ABCA5: variants seen among roughly 807,000 people sequenced by gnomAD.
ABCA5 encodes ATP binding cassette subfamily A member 5.
ABCA5 carries 163 observed loss-of-function variants against 206.0 expected under a neutral mutation model. The observed-to-expected ratio is 0.79, with a 90% CI of 0.70 to 0.90. The LOEUF (loss-of-function observed/expected upper bound fraction) is 0.90, where lower values mean the gene tolerates loss of function less well. Among genes scored for constraint, ABCA5 ranks in the 40% least tolerant of loss-of-function variants. The pLI, the probability that ABCA5 is intolerant of heterozygous loss-of-function variation, is 0.00. For synonymous variants in ABCA5, 609 were observed against 613.8 expected (o/e 0.99, Z 0.11); for missense variants, 1,859 against 1,912.9 (o/e 0.97, Z 0.53).
At chr17:69,305,369 G>C (rs1166896487) in intron 6 of ABCA5, among the ~76,000 whole-genome samples, 1 of 152,152 alleles carries the variant, frequency 6.6e-6, no homozygotes, top group Non-Finnish European at 1.5e-5. Context: ...GCAGTATTAA[G>C]TTTTATTTTA....
rs954714147 is a variant in ABCA5 at position 69,244,890 on chromosome 17, C to T, written c.*2647G>A. 2.0e-5 allele frequency: 3 copies of T among 149,212 alleles called. No individual in the cohort carries two copies. Among genetic ancestry groups the T allele is most frequent in the Admixed American group, 1.3e-4 (2 of 14,910 alleles). 9.2% of individuals were successfully genotyped at this position (149,212 alleles called of 1,614,324 possible). A position where few individuals can be genotyped will look rare whatever the true frequency, so the allele number is the denominator to read the frequency against. On this transcript the variant is annotated 3_prime_UTR_variant, in exon 39 of 39. Coordinates refer to ENST00000392676, the MANE Select transcript of ABCA5 (RefSeq NM_172232.4). ...TATAGTTAGTTATATAAAATAATAG[C>T]TAGTTATATAAGTTATATAAGTAAT...
chr17:69,299,564 A>G lies in ABCA5; in HGVS notation c.1267+1575T>C, dbSNP rs867900390. Among the ~76,000 whole-genome samples the G allele has an allele frequency of 2.6e-5, 4 of 152,174 alleles. No homozygotes were observed. The South Asian group carries it at 8.3e-4, about 32-fold the overall frequency. ...GCCATTTGCAGCAACCTGGATGGAA[A>G]TGGAGACCATTATTCTAAGTAAAGT... On this transcript the variant is annotated intron_variant, in intron 9 of 38. Transcript: ENST00000392676.
intron 1 of ABCA5, among the ~76,000 whole-genome samples, chr17:69,321,378 G>A (rs1334259651): frequency 6.6e-6 from 1 of 152,084 alleles, no homozygotes; most frequent in Non-Finnish European, 1.5e-5. Context: ...ACCAAAAAGG[G>A]GACATCTATG....
At chr17:69,283,427 A>C (rs1598176014) in intron 18 of ABCA5, among the ~76,000 whole-genome samples, 1 of 152,168 alleles carries the variant, frequency 6.6e-6, no homozygotes, top group Admixed American at 6.5e-5. Context: ...AAATCAGATC[A>C]TGGTACCTAT....
intron 14 of ABCA5, 41 bp from the exon 15 acceptor site, chr17:69,287,792 A>C: frequency 1.3e-6 from 2 of 1,582,184 alleles, no homozygotes; most frequent in Non-Finnish European, 1.7e-6. Context: ...AATCCTCAGA[A>C]AAACTAAATA....
chr17:69,272,416 A>C (rs984664008), intron 20 of ABCA5, among the ~76,000 whole-genome samples: 1 of 152,172 alleles, frequency 6.6e-6, no homozygotes, highest in African/African-American at 2.4e-5. Context: ...TAAGAATAAT[A>C]AAAAATTAAG....
intron 9 of ABCA5, among the ~76,000 whole-genome samples, 199 bp from the exon 10 acceptor site, chr17:69,297,558 T>G (rs182238204): frequency 6.6e-6 from 1 of 152,342 alleles, no homozygotes; most frequent in Non-Finnish European, 1.5e-5. Flanking sequence ...AAATAAAGAT[T>G]AGCTGTATTG....
chr17:69,286,947 TAGAA>T (rs2075461872), intron 15 of ABCA5, among the ~76,000 whole-genome samples: 1 of 152,186 alleles, frequency 6.6e-6, no homozygotes, highest in African/African-American at 2.4e-5. Context: ...CTTCTATCCT[TAGAA>T]AGGCCTGCTT....
At chr17:69,323,625 TTATA>T (rs749616515) in intron 1 of ABCA5, among the ~76,000 whole-genome samples, 1 of 152,230 alleles carries the variant, frequency 6.6e-6, no homozygotes, top group Non-Finnish European at 1.5e-5. Context: ...CATTATTTAT[TTATA>T]TATTTTCATC....
At chr17:69,264,287 T>C (rs938630661) in intron 24 of ABCA5, among the ~76,000 whole-genome samples, 2 of 152,214 alleles carry the variant, frequency 1.3e-5, no homozygotes, top group Admixed American at 1.3e-4. Context: ...GGTATTTTAA[T>C]TTTTTGTGGC....
intron 9 of ABCA5, among the ~76,000 whole-genome samples, chr17:69,300,076 T>C (rs1171388749): frequency 6.6e-6 from 1 of 152,190 alleles, no homozygotes; most frequent in African/African-American, 2.4e-5. Flanking sequence ...TATTACATTG[T>C]AATATATAAT....
chr17:69,253,843 T>C lies in ABCA5; in HGVS notation c.4271A>G (p.Glu1424Gly). 6.2e-7 allele frequency: 1 copy of C among 1,612,470 alleles called. No individual in the cohort carries two copies. Among genetic ancestry groups the C allele is most frequent in the Non-Finnish European group, 8.5e-7 (1 of 1,179,558 alleles). Reference sequence around the variant, plus strand: ...TTTCTTTACAGTCTTCTGAAGATGTTCTTTTAAATCAAGTGCATGTGTTAT... The same window carrying C: ...TTTCTTTACAGTCTTCTGAAGATGTCCTTTTAAATCAAGTGCATGTGTTAT... Reference protein sequence around the residue: ...SRITHALDLKEHLQKTVKKLP... With the variant: ...SRITHALDLKGHLQKTVKKLP... The change falls in exon 33 of 39, where the codon GAA (glutamate) becomes GGA (glycine). Residue 1424 changes from glutamate to glycine, a missense_variant. Glu to Gly is a moderately conservative substitution (Grantham distance 98, BLOSUM62 -2). Transcript: ENST00000392676.
chr17:69,255,961 T>A, intron 29 of ABCA5, 111 bp from the exon 30 acceptor site: 1 of 1,099,558 alleles, frequency 9.1e-7, no homozygotes. Context: ...AATAAGGGGA[T>A]ACTGTACAAA....
At chr17:69,293,621 T>C (rs2075551476) in intron 11 of ABCA5, among the ~76,000 whole-genome samples, 1 of 152,062 alleles carries the variant, frequency 6.6e-6, no homozygotes, top group Non-Finnish European at 1.5e-5. Context: ...ACAGGTTCCT[T>C]GGAAGAGTCC....
intron 10 of ABCA5, 79 bp from the exon 11 acceptor site, chr17:69,294,792 T>A (rs1226173821): frequency 1.2e-6 from 1 of 827,700 alleles, no homozygotes; most frequent in East Asian, 2.8e-5. Context: ...CATATTTTTA[T>A]CAATGCTATC....
intron 1 of ABCA5, among the ~76,000 whole-genome samples, chr17:69,325,123 G>A (rs1457567715): frequency 1.5e-5 from 2 of 135,960 alleles, no homozygotes; most frequent in African/African-American, 5.6e-5. Flanking sequence ...GGGCAACATA[G>A]AGAGACACTG....
intron 1 of ABCA5, among the ~76,000 whole-genome samples, chr17:69,324,406 C>T (rs533505746): frequency 1.3e-5 from 2 of 152,228 alleles, no homozygotes; most frequent in East Asian, 1.9e-4. Flanking sequence ...CAAAGTGAAC[C>T]GGAGCAAGGG....
Position 69,273,993 on chromosome 17 carries a change from T to C in ABCA5, c.2730A>G (p.Lys910=), listed in dbSNP as rs771140747. The C allele has an allele frequency of 3.1e-6, 5 of 1,607,994 alleles. No individual in the cohort carries two copies. The highest frequency in any genetic ancestry group is 2.2e-5 in the South Asian group (2 of 89,250). The part of the protein sequence containing the change: ...YFLKPGDKPH[K]YKTSLLLQNS... ...TTTGAAGAAGCAGACTTGTTTTGTATTTATGTGGTTTGTCTCCAGGTTTTA... is the reference window on the plus strand; with the variant it reads ...TTTGAAGAAGCAGACTTGTTTTGTACTTATGTGGTTTGTCTCCAGGTTTTA... Residue 910 remains lysine (K), a synonymous_variant, in exon 20 of 39, where the codon AAA becomes AAG. Coordinates refer to ENST00000392676, the MANE Select transcript of ABCA5 (RefSeq NM_172232.4).
rs942680703 is a variant in ABCA5 at position 69,244,477 on chromosome 17, G to T, written c.*3060C>A. On this transcript the variant is annotated 3_prime_UTR_variant, in exon 39 of 39. Coordinates refer to ENST00000392676, the MANE Select transcript of ABCA5 (RefSeq NM_172232.4). ...TCATATTTATTTTTCTTAAAGAGCA[G>T]CATTGAGAATTGCTTACATATATTA... is the stretch of plus-strand genomic sequence containing the variant. 6.6e-6 allele frequency: 1 copy of T among 151,618 alleles called. No homozygotes were observed. Among genetic ancestry groups the T allele is most frequent in the African/African-American group, 2.4e-5 (1 of 41,360 alleles). 9.4% of individuals were successfully genotyped at this position (151,618 alleles called of 1,614,324 possible).
Sources: allele counts gnomAD v4.1 joint callset (sites outside exome capture counted in the v4.1 genomes callset), GRCh38; gene constraint gnomAD v4.1.1; transcripts MANE v1.5; gene names NCBI Gene and HGNC (gene_info 2026-07-23, HGNC 2026-07-21).